ARFGAP3: variants seen among roughly 807,000 people sequenced by gnomAD.
ARFGAP3 encodes the protein ADP-ribosylation factor GTPase-activating protein 3.
A neutral mutation model predicts 75.0 loss-of-function variants in ARFGAP3; 72 were observed. The ratio of observed to expected loss-of-function variants is 0.96; its 90% confidence interval spans 0.79 to 1.17. The LOEUF (loss-of-function observed/expected upper bound fraction) is 1.17, where lower values mean the gene tolerates loss of function less well. Among genes scored for constraint, ARFGAP3 ranks in the 50% most tolerant of loss-of-function variants. The pLI, the probability that ARFGAP3 is intolerant of heterozygous loss-of-function variation, is 0.00. For missense variants in ARFGAP3, 620 were observed against 626.6 expected, an observed-to-expected ratio of 0.99 and a Z score of 0.11; for synonymous variants, 221 against 217.9, an observed-to-expected ratio of 1.01 and a Z score of -0.13.
chr22:42,829,356 A>G (rs972945347), intron 6 of ARFGAP3, among the ~76,000 whole-genome samples: 1 of 152,236 alleles, frequency 6.6e-6, no homozygotes, highest in African/African-American at 2.4e-5. Context: ...ACAAAGAGGC[A>G]ACCCATGCCA....
At chr22:42,834,368 C>T in intron 4 of ARFGAP3, 43 bp from the exon 5 acceptor site, 1 of 1,599,644 alleles carries the variant, frequency 6.3e-7, no homozygotes, top group Non-Finnish European at 8.5e-7. Flanking sequence ...TTCATCCGGC[C>T]TGTAAAGGAT....
At position 42,796,811 on chromosome 22, in the gene ARFGAP3, T is replaced by C. The variant is rs1029600556; in HGVS notation, c.*777A>G. 1.3e-4 allele frequency: 20 copies of C among 152,244 alleles called. 1 individual carries two copies. The highest frequency in any genetic ancestry group is 4.6e-4 in the African/African-American group (19 of 41,476). The allele number at this position is 152,244 out of a possible 1,614,324, so 9.4% of individuals were successfully genotyped here. On this transcript the variant is annotated 3_prime_UTR_variant, in exon 16 of 16. Transcript: ENST00000263245. ...CTCCCATACACGCAACTATTTTCTG[T>C]AGCTGTATCTTCTTACCTCATTCCA...
At position 42,857,150 on chromosome 22, in the gene ARFGAP3, G is replaced by A. The variant is rs1163717119; in HGVS notation, c.33C>T (p.Thr11=). 3 of 1,514,844 alleles carry A rather than the reference G, an allele frequency of 2.0e-6. No individual in the cohort carries two copies. Among genetic ancestry groups the A allele is most frequent in the Non-Finnish European group, 2.7e-6 (3 of 1,129,446 alleles). 93.8% of individuals were successfully genotyped at this position (1,514,844 alleles called of 1,614,324 possible). Residue 11 remains threonine (T), a synonymous_variant, in exon 1 of 16, where the codon ACC becomes ACT. Coordinates refer to ENST00000263245, the MANE Select transcript of ARFGAP3 (RefSeq NM_014570.5). Reference sequence around the variant, plus strand: ...GCACCGAGCGGAGGCGCTTGAAGATGGTCAAGATGTCCTGCTTGCTGGGGT... The same window carrying A: ...GCACCGAGCGGAGGCGCTTGAAGATAGTCAAGATGTCCTGCTTGCTGGGGT... MGDPSKQDIL[T]IFKRLRSVPT...
chr22:42,840,486 G>A (rs773246751), intron 3 of ARFGAP3, among the ~76,000 whole-genome samples: 2 of 148,792 alleles, frequency 1.3e-5, no homozygotes. Context: ...GTGTGATCTC[G>A]GCTCACTGCA....
intron 9 of ARFGAP3, among the ~76,000 whole-genome samples, chr22:42,820,166 C>T (rs1925749314): frequency 6.6e-6 from 1 of 152,180 alleles, no homozygotes; most frequent in South Asian, 2.1e-4. Context: ...TCTGGGAAAA[C>T]CTCAAGCATG....
intron 9 of ARFGAP3, among the ~76,000 whole-genome samples, chr22:42,822,014 C>A (rs981198467): frequency 6.6e-6 from 1 of 152,172 alleles, no homozygotes; most frequent in South Asian, 2.1e-4. Context: ...GTAAACACCT[C>A]CATGCATCTC....
chr22:42,826,979 T>C lies in ARFGAP3; in HGVS notation c.586A>G (p.Ser196Gly). Residue 196 changes from serine to glycine, a missense_variant, in exon 7 of 16, where the codon AGT becomes GGT. Ser to Gly is a moderately conservative substitution (Grantham distance 56). Transcript: ENST00000263245. ...GTTGGTACATTAAGACCTTCCACAC[T>C]TGGTCCTTGCTCTTGTCCACCTGAA... ...NNEGGQEQGP[S>G]VEGLNVPTKA... is the part of the protein sequence containing the mutation. 1.2e-6 allele frequency: 2 copies of C among 1,613,712 alleles called. No homozygotes were observed. The highest frequency in any genetic ancestry group is 8.5e-7 in the Non-Finnish European group (1 of 1,179,922).
intron 7 of ARFGAP3, among the ~76,000 whole-genome samples, chr22:42,825,368 C>T (rs1393069916): frequency 1.3e-5 from 2 of 152,102 alleles, no homozygotes; most frequent in African/African-American, 2.4e-5. Flanking sequence ...ATCATATTAG[C>T]CAAAATAAAT....
chr22:42,797,868 G>A (rs1033234441), intron 15 of ARFGAP3, among the ~76,000 whole-genome samples: 3 of 152,244 alleles, frequency 2.0e-5, no homozygotes, highest in Admixed American at 1.3e-4. Context: ...TCAGGAGGCA[G>A]GGAGCAAAGT....
intron 2 of ARFGAP3, among the ~76,000 whole-genome samples, chr22:42,845,031 G>A (rs1926951907): frequency 6.6e-6 from 1 of 152,080 alleles, no homozygotes; most frequent in Non-Finnish European, 1.5e-5. Flanking sequence ...CCGATTTCCT[G>A]GAATGGCTTA....
intron 3 of ARFGAP3, among the ~76,000 whole-genome samples, chr22:42,838,098 TATTTA>T (rs1926608362): frequency 6.6e-6 from 1 of 151,968 alleles, no homozygotes; most frequent in Non-Finnish European, 1.5e-5. Flanking sequence ...TATTCCTTAG[TATTTA>T]ATTTATCTCA....
intron 12 of ARFGAP3, among the ~76,000 whole-genome samples, chr22:42,810,015 A>G (rs1272710379): frequency 5.9e-5 from 9 of 151,268 alleles, no homozygotes; most frequent in Admixed American, 4.0e-4. Flanking sequence ...AAAAAAAAAA[A>G]AAAAAAAAAA....
At chr22:42,833,756 C>CA (rs1287914763) in intron 5 of ARFGAP3, among the ~76,000 whole-genome samples, 3 of 150,042 alleles carry the variant, frequency 2.0e-5, no homozygotes, top group African/African-American at 7.4e-5. Context: ...AACTCCATCT[C>CA]AAAAAAAATA....
Position 42,828,681 on chromosome 22 carries a change from CTTTTTTTTTT to C in ARFGAP3, c.566-1692_566-1683del, listed in dbSNP as rs11379515. Among the ~76,000 whole-genome samples the C allele has an allele frequency of 2.6e-5, 3 of 116,248 alleles. No individual in the cohort carries two copies. The South Asian group carries it at 9.0e-4, about 35-fold the overall frequency. The allele number at this position is 116,248 out of a possible 152,430, so 76.3% of individuals were successfully genotyped here. On this transcript the variant is annotated intron_variant, in intron 6 of 15. Transcript: ENST00000263245. ...AACCCTCAATCTCAAAGCCCCCGGC[CTTTTTTTTTT>C]TTTTTTTTTTCTGAGACAGAGTCCT...
At chr22:42,804,376 A>ATTTTTTT (rs1169858932) in intron 14 of ARFGAP3, among the ~76,000 whole-genome samples, 16 of 74,474 alleles carry the variant, frequency 2.1e-4, no homozygotes, top group African/African-American at 4.8e-4. Context: ...CACCCAGCTA[A>ATTTTTTT]TTTTTTTTTT....
intron 14 of ARFGAP3, 185 bp from the exon 15 acceptor site, chr22:42,799,345 G>A (rs866864451): frequency 1.7e-6 from 1 of 600,366 alleles, no homozygotes; most frequent in Non-Finnish European, 2.1e-6. Flanking sequence ...CCACATGAGA[G>A]AATCCACACG....
intron 14 of ARFGAP3, among the ~76,000 whole-genome samples, chr22:42,803,879 T>C (rs778544617): frequency 3.3e-5 from 5 of 150,788 alleles, no homozygotes; most frequent in Non-Finnish European, 7.4e-5. Flanking sequence ...CCTTCCTTCC[T>C]TCCTTCCCTC....
Position 42,849,472 on chromosome 22 carries a change from C to CT in ARFGAP3, c.70-1841dup, listed in dbSNP as rs1332803433. On this transcript the variant is annotated intron_variant, in intron 1 of 15. Transcript: ENST00000263245. Reference sequence around the variant, plus strand: ...CTTTCCCTTTTGCTAATCTTTATGGCTTTTTTTCTTTTTTTTTTAAGGAGA... The same window carrying CT: ...CTTTCCCTTTTGCTAATCTTTATGGCTTTTTTTTCTTTTTTTTTTAAGGAGA... 2.5e-5 allele frequency among the ~76,000 whole-genome samples: 3 copies of CT among 118,332 alleles called. No individual in the cohort carries two copies. In the East Asian group the frequency reaches 5.9e-4, roughly 23 times the overall value. 77.6% of individuals were successfully genotyped at this position (118,332 alleles called of 152,430 possible).
chr22:42,819,510 C>G (rs1224868618), intron 9 of ARFGAP3, among the ~76,000 whole-genome samples: 3 of 152,114 alleles, frequency 2.0e-5, no homozygotes, highest in Non-Finnish European at 2.9e-5. Flanking sequence ...GTCAGAACAC[C>G]GCGTTTCTCA....
Sources: allele counts gnomAD v4.1 joint callset (sites outside exome capture counted in the v4.1 genomes callset), GRCh38; gene constraint gnomAD v4.1.1; transcripts MANE v1.5; gene names NCBI Gene and HGNC (gene_info 2026-07-23, HGNC 2026-07-21).